Variants in PRPSAP2 observed in about 807,000 individuals in gnomAD.
PRPSAP2 encodes phosphoribosyl pyrophosphate synthetase associated protein 2, also known as phosphoribosyl pyrophosphate synthase-associated protein 2.
PRPSAP2 carries 24 observed loss-of-function variants against 40.6 expected under a neutral mutation model. That is an observed-to-expected ratio of 0.59 (90% CI 0.43 to 0.83). The LOEUF (loss-of-function observed/expected upper bound fraction) is 0.83, where lower values mean the gene tolerates loss of function less well. PRPSAP2 is among the 40% of genes least tolerant of loss of function. The pLI is 0.00. For synonymous variants in PRPSAP2, 149 were observed against 164.7 expected (o/e 0.90, Z 0.73); for missense variants, 292 against 465.6 (o/e 0.63, Z 3.43).
At chr17:18,877,538 C>G (rs112535031) in intron 5 of PRPSAP2, among the ~76,000 whole-genome samples, 160 bp from the exon 6 acceptor site, 1,934 of 151,996 alleles carry the variant, frequency 0.013, 46 homozygotes, top group African/African-American at 0.045. Flanking sequence ...GATGGGGGAT[C>G]TTATGGAGGC....
At chr17:18,928,380 A>G (rs967314214) in intron 10 of PRPSAP2, 1 of 205,370 alleles carries the variant, frequency 4.9e-6, no homozygotes. Context: ...AGTAGCAAGA[A>G]GAAGTGGGGG....
At chr17:18,917,584 A>ATTTTTTTTTTT (rs536358118) in intron 9 of PRPSAP2, 2 of 32,362 alleles carry the variant, frequency 6.2e-5, no homozygotes, top group African/African-American at 1.2e-4. Context: ...TATTATTATT[A>ATTTTTTTTTTT]TTTTTTTTTT....
At chr17:18,910,921 G>T (rs1431291856) in intron 8 of PRPSAP2, among the ~76,000 whole-genome samples, 182 bp from the exon 9 acceptor site, 1 of 152,152 alleles carries the variant, frequency 6.6e-6, no homozygotes. Flanking sequence ...GAAGTGTTTG[G>T]CATGTGGGGT....
chr17:18,922,650 C>A (rs1278979024), intron 9 of PRPSAP2, among the ~76,000 whole-genome samples: 1 of 143,980 alleles, frequency 6.9e-6, no homozygotes, highest in African/African-American at 2.5e-5. Context: ...TGGCATATGG[C>A]GCATATATAT....
intron 9 of PRPSAP2, among the ~76,000 whole-genome samples, chr17:18,915,103 C>T (rs2041230056): frequency 1.3e-5 from 2 of 150,638 alleles, no homozygotes; most frequent in South Asian, 4.2e-4. Flanking sequence ...CAGCTCACAG[C>T]AGCCTTGACC....
At chr17:18,875,374 G>A (rs963697652) in intron 5 of PRPSAP2, among the ~76,000 whole-genome samples, 15 of 152,076 alleles carry the variant, frequency 9.9e-5, no homozygotes, top group African/African-American at 2.9e-4. Flanking sequence ...GACCAGCCAG[G>A]CCAACACGGT....
At chr17:18,910,440 A>T (rs1193122692) in intron 8 of PRPSAP2, among the ~76,000 whole-genome samples, 2 of 152,200 alleles carry the variant, frequency 1.3e-5, no homozygotes, top group Non-Finnish European at 2.9e-5. Context: ...AAATCAGACA[A>T]AAAAAGGCAA....
chr17:18,915,504 C>T (rs1057342982), intron 9 of PRPSAP2, among the ~76,000 whole-genome samples: 3 of 152,104 alleles, frequency 2.0e-5, no homozygotes, highest in Admixed American at 6.6e-5. Context: ...GCTCACAGTT[C>T]TTCGGGCTGG....
At chr17:18,905,584 T>G (rs527253190) in intron 8 of PRPSAP2, among the ~76,000 whole-genome samples, 39 of 146,980 alleles carry the variant, frequency 2.7e-4, no homozygotes, top group African/African-American at 9.9e-4. Context: ...TCTTGAGAAT[T>G]TTTTTTTTTT....
intron 8 of PRPSAP2, among the ~76,000 whole-genome samples, chr17:18,905,619 G>A (rs1452637557): frequency 6.8e-6 from 1 of 147,564 alleles, no homozygotes; most frequent in Non-Finnish European, 1.5e-5. Flanking sequence ...CGCTCTTGTT[G>A]CCCAGGCTAG....
chr17:18,903,545 G>A (rs2040410185), intron 8 of PRPSAP2, among the ~76,000 whole-genome samples: 1 of 152,018 alleles, frequency 6.6e-6, no homozygotes, highest in Admixed American at 6.6e-5. Flanking sequence ...AACAGCCTGG[G>A]CAACATGTTG....
At chr17:18,923,089 TTTTA>T (rs1597761146) in intron 9 of PRPSAP2, among the ~76,000 whole-genome samples, 1 of 123,512 alleles carries the variant, frequency 8.1e-6, no homozygotes, top group African/African-American at 3.5e-5. Flanking sequence ...ATTTATTTAT[TTTTA>T]TTTATTTATT....
intron 1 of PRPSAP2, among the ~76,000 whole-genome samples, chr17:18,860,900 T>G (rs772507931): frequency 4.6e-5 from 7 of 152,198 alleles, no homozygotes; most frequent in Non-Finnish European, 1.0e-4. Context: ...GGTGCTAAGA[T>G]TCTCTGAAAA....
chr17:18,856,581 C>T (rs915469517), upstream of PRPSAP2: 3 of 152,194 alleles, frequency 2.0e-5, no homozygotes, highest in Non-Finnish European at 4.4e-5. Flanking sequence ...TTGTATTCTT[C>T]GTTTCTAAAA....
chr17:18,915,980 C>A (rs991523269), intron 9 of PRPSAP2, among the ~76,000 whole-genome samples: 1 of 151,912 alleles, frequency 6.6e-6, no homozygotes, highest in Non-Finnish European at 1.5e-5. Flanking sequence ...CCACCACACC[C>A]GGCTAATTTT....
intron 8 of PRPSAP2, among the ~76,000 whole-genome samples, chr17:18,903,112 C>T (rs1474502059): frequency 6.6e-6 from 1 of 151,932 alleles, no homozygotes; most frequent in African/African-American, 2.4e-5. Context: ...ATTGAATCCA[C>T]ATAGATCATA....
chr17:18,910,280 G>A (rs902224370), intron 8 of PRPSAP2, among the ~76,000 whole-genome samples: 1 of 152,184 alleles, frequency 6.6e-6, no homozygotes, highest in African/African-American at 2.4e-5. Context: ...AAGTTAGCCA[G>A]ATGTGGTGGT....
chr17:18,911,589 G>A lies in PRPSAP2; in HGVS notation c.733+338G>A, dbSNP rs557873834. 6.1e-5 allele frequency among the ~76,000 whole-genome samples: 8 copies of A among 131,842 alleles called. No individual in the cohort carries two copies. The highest frequency in any genetic ancestry group is 1.9e-4 in the African/African-American group (7 of 37,732). 86.5% of individuals were successfully genotyped at this position (131,842 alleles called of 152,430 possible). A position where few individuals can be genotyped will look rare whatever the true frequency, so the allele number is the denominator to read the frequency against. ...CTTTTTATATACAAAGTTATTGACT[G>A]TGATGTTGTTTTTAATGCAAAATAT... On this transcript the variant is annotated intron_variant, in intron 9 of 11. Coordinates refer to ENST00000268835, the MANE Select transcript of PRPSAP2 (RefSeq NM_002767.4). This position sits in a 1 kb window ranked among gnomAD's most constrained non-coding sequence, Gnocchi z 4.5.
At chr17:18,880,387 G>T (rs1485089647) in intron 6 of PRPSAP2, among the ~76,000 whole-genome samples, 1 of 152,102 alleles carries the variant, frequency 6.6e-6, no homozygotes, top group African/African-American at 2.4e-5. Context: ...TTCCAGGCTG[G>T]TGCAGTTTGT....
Sources: allele counts gnomAD v4.1 joint callset (sites outside exome capture counted in the v4.1 genomes callset), GRCh38; gene constraint gnomAD v4.1.1; non-coding constraint Gnocchi (gnomAD v3.1); transcripts MANE v1.5; gene names NCBI Gene and HGNC (gene_info 2026-07-23, HGNC 2026-07-21).